The following SHISA9 variants were observed in gnomAD, a reference collection of about 807,000 sequenced individuals.
SHISA9 encodes the protein shisa family member 9, also known as protein shisa-9.
Under a neutral mutation model 38.0 loss-of-function variants are expected in SHISA9, and 13 were observed. The observed-to-expected ratio is 0.34, with a 90% CI of 0.22 to 0.54. The LOEUF (loss-of-function observed/expected upper bound fraction) is 0.54, where lower values mean the gene tolerates loss of function less well. SHISA9 is among the 20% of genes least tolerant of loss of function. SHISA9 has a pLI of 0.91. For missense variants in SHISA9, 538 were observed against 575.8 expected (o/e 0.93, Z 0.67); for synonymous variants, 275 against 242.0 (o/e 1.14, Z -1.27).
At chr16:13,349,753 A>G in the SHISA9 span, among the ~76,000 whole-genome samples, 1 of 152,218 alleles carries the variant, frequency 6.6e-6, no homozygotes, top group Non-Finnish European at 1.5e-5. Context: ...GGCATCTTAG[A>G]ATCATGAAGG....
the SHISA9 span, among the ~76,000 whole-genome samples, chr16:13,422,476 A>T: frequency 6.6e-6 from 1 of 152,088 alleles, no homozygotes; most frequent in Non-Finnish European, 1.5e-5. Flanking sequence ...CAGGTGGATC[A>T]CTTGAGGTCA....
At chr16:13,381,806 G>T in the SHISA9 span, among the ~76,000 whole-genome samples, 1 of 152,124 alleles carries the variant, frequency 6.6e-6, no homozygotes, top group African/African-American at 2.4e-5. Flanking sequence ...TGGGAAGGTT[G>T]GGAACATGGG....
chr16:12,940,140 GTTC>G, intron 2 of SHISA9, among the ~76,000 whole-genome samples: 1 of 152,338 alleles, frequency 6.6e-6, no homozygotes, highest in South Asian at 2.1e-4. Context: ...GGGGCAGAGT[GTTC>G]TTCTGCCTGC....
intron 2 of SHISA9, among the ~76,000 whole-genome samples, chr16:12,977,321 G>A (rs959192465): frequency 2.0e-5 from 3 of 152,124 alleles, no homozygotes; most frequent in Non-Finnish European, 4.4e-5. Context: ...TTCAACTTAG[G>A]GGAATCAGGT....
At chr16:13,373,488 C>T in the SHISA9 span, among the ~76,000 whole-genome samples, 6 of 152,248 alleles carry the variant, frequency 3.9e-5, no homozygotes, top group Admixed American at 1.3e-4. Context: ...TGAGGCTGGG[C>T]GTGGTGGCTC....
At chr16:13,269,682 G>A in the SHISA9 span, among the ~76,000 whole-genome samples, 3 of 152,318 alleles carry the variant, frequency 2.0e-5, no homozygotes, top group Middle Eastern at 3.4e-3. Flanking sequence ...CTAGGCAGAG[G>A]AGACAGTATA....
At chr16:13,175,932 C>T (rs2050727965) in intron 2 of SHISA9, among the ~76,000 whole-genome samples, 1 of 152,162 alleles carries the variant, frequency 6.6e-6, no homozygotes, top group Non-Finnish European at 1.5e-5. Context: ...GTTGGCAGAA[C>T]TGAGATTTGA....
chr16:13,112,568 A>C (rs1207419406), intron 2 of SHISA9, among the ~76,000 whole-genome samples: 1 of 152,116 alleles, frequency 6.6e-6, no homozygotes, highest in African/African-American at 2.4e-5. Flanking sequence ...GTCAATTCTG[A>C]GCAAACAAAC....
intron 1 of SHISA9, among the ~76,000 whole-genome samples, chr16:12,904,011 A>T (rs960518907): frequency 1.3e-5 from 2 of 152,070 alleles, no homozygotes; most frequent in African/African-American, 4.8e-5. Flanking sequence ...TTGGGTCAGC[A>T]GGGAGCTGTG....
chr16:13,205,728 T>G (rs1316636657), intron 3 of SHISA9, among the ~76,000 whole-genome samples: 2 of 152,168 alleles, frequency 1.3e-5, no homozygotes, highest in African/African-American at 4.8e-5. Context: ...ATTTCCATCT[T>G]AGAGCATGCT....
chr16:13,300,722 A>C, the SHISA9 span, among the ~76,000 whole-genome samples: 1 of 152,020 alleles, frequency 6.6e-6, no homozygotes, highest in Non-Finnish European at 1.5e-5. Flanking sequence ...TGCTGGCCCC[A>C]AGCCAAGGAG....
At chr16:13,503,760 A>G in the SHISA9 span, among the ~76,000 whole-genome samples, 41 of 152,304 alleles carry the variant, frequency 2.7e-4, no homozygotes, top group African/African-American at 8.9e-4. Flanking sequence ...GTCATTGAAG[A>G]TTTTAAGGCG....
chr16:13,181,312 T>TATAC lies in SHISA9; in HGVS notation c.692-22081_692-22080insTACA, dbSNP rs1555468744. ...ATATATATATATATATATATATATA[T>TATAC]ACACACACACACACACACACACATA... On this transcript the variant is annotated intron_variant, in intron 2 of 4. Coordinates refer to ENST00000558583, the MANE Select transcript of SHISA9 (RefSeq NM_001145204.3). Among the ~76,000 whole-genome samples, 318 of 33,518 alleles carry TATAC rather than the reference T, an allele frequency of 9.5e-3. 2 individuals are homozygous for TATAC. Among genetic ancestry groups the TATAC allele is most frequent in the Non-Finnish European group, 0.012 (218 of 18,024 alleles). The allele number at this position is 33,518 out of a possible 152,430, so 22.0% of individuals were successfully genotyped here. A position where few individuals can be genotyped will look rare whatever the true frequency, so the allele number is the denominator to read the frequency against.
the SHISA9 span, among the ~76,000 whole-genome samples, chr16:13,320,912 A>G: frequency 6.6e-6 from 1 of 152,192 alleles, no homozygotes; most frequent in Non-Finnish European, 1.5e-5. Context: ...TCTTTGATCT[A>G]CTAGTCTGGT....
intron 4 of SHISA9, among the ~76,000 whole-genome samples, chr16:13,229,268 C>T (rs78046071): frequency 2.6e-5 from 4 of 152,148 alleles, no homozygotes; most frequent in Non-Finnish European, 2.9e-5. Flanking sequence ...GTGAGTGAGA[C>T]GGATGATAAT....
the SHISA9 span, among the ~76,000 whole-genome samples, chr16:13,508,943 G>A: frequency 0.27 from 41,560 of 152,008 alleles, 6,527 homozygotes; most frequent in East Asian, 0.38. Flanking sequence ...AATCACTTCC[G>A]TCTCCTGCAG....
intron 2 of SHISA9, among the ~76,000 whole-genome samples, chr16:12,980,625 A>G (rs1224581049): frequency 1.3e-5 from 2 of 150,506 alleles, no homozygotes; most frequent in Non-Finnish European, 3.0e-5. Flanking sequence ...AGAAATTTGT[A>G]CTCATTATTT....
chr16:13,546,439 G>A, the SHISA9 span, among the ~76,000 whole-genome samples: 4 of 152,186 alleles, frequency 2.6e-5, no homozygotes, highest in African/African-American at 9.7e-5. Context: ...GTTTGTCTGG[G>A]AAAGAATTTA....
chr16:13,033,144 G>T (rs940898221), intron 2 of SHISA9, among the ~76,000 whole-genome samples: 3 of 152,100 alleles, frequency 2.0e-5, no homozygotes, highest in African/African-American at 7.2e-5. Context: ...TAAATCCTGG[G>T]ATTAGCCGGC....
Sources: allele counts gnomAD v4.1 joint callset (sites outside exome capture counted in the v4.1 genomes callset), GRCh38; gene constraint gnomAD v4.1.1; transcripts MANE v1.5; gene names NCBI Gene and HGNC (gene_info 2026-07-23, HGNC 2026-07-21).